The following SNX30 variants were observed in gnomAD, a reference collection of about 807,000 sequenced individuals.
SNX30 encodes sorting nexin-30.
A neutral mutation model predicts 46.4 loss-of-function variants in SNX30; 24 were observed. That is an observed-to-expected ratio of 0.52 (90% CI 0.37 to 0.73). The LOEUF is 0.73. Ranked by LOEUF, SNX30 falls within the 30% of genes least tolerant of loss-of-function variation. SNX30 has a pLI of 0.00. For missense variants in SNX30, 533 were observed against 555.7 expected (o/e 0.96, Z 0.41); for synonymous variants, 189 against 211.5 (o/e 0.89, Z 0.92).
chr9:112,830,631 G>A (rs1398469916), intron 3 of SNX30, 94 bp from the exon 4 acceptor site: 9 of 1,143,254 alleles, frequency 7.9e-6, no homozygotes, highest in Non-Finnish European at 9.9e-6. Flanking sequence ...TACTTTTCTT[G>A]GATAGAGGGG....
At chr9:112,805,809 A>G (rs546799815) in intron 2 of SNX30, among the ~76,000 whole-genome samples, 16 of 152,276 alleles carry the variant, frequency 1.1e-4, no homozygotes, top group African/African-American at 2.4e-4. Context: ...TTTAGTTACA[A>G]TTTTTCAGAT....
rs916574981 is a variant in SNX30, at chr9:112,871,491, G to T, written c.*2648G>T. On this transcript the variant is annotated 3_prime_UTR_variant, in exon 9 of 9. Coordinates refer to ENST00000374232, the MANE Select transcript of SNX30 (RefSeq NM_001012994.2). ...CTGTGCCAAAGACTGCCTTGTAGAG[G>T]TCTCATCACCTCACACTTCTTGACT... 2.0e-5 allele frequency: 3 copies of T among 152,074 alleles called. No individual in the cohort carries two copies. Among genetic ancestry groups the T allele is most frequent in the African/African-American group, 2.4e-5 (1 of 41,400 alleles). The allele number at this position is 152,074 out of a possible 1,614,324, so 9.4% of individuals were successfully genotyped here. A position where few individuals can be genotyped will look rare whatever the true frequency, so the allele number is the denominator to read the frequency against.
chr9:112,862,529 G>C (rs1841254918), intron 7 of SNX30, among the ~76,000 whole-genome samples: 2 of 152,096 alleles, frequency 1.3e-5, no homozygotes, highest in African/African-American at 4.8e-5. Flanking sequence ...TTTTATTTCA[G>C]TTTTTCCTGA....
At chr9:112,765,460 T>C (rs1839520491) in intron 1 of SNX30, among the ~76,000 whole-genome samples, 1 of 152,170 alleles carries the variant, frequency 6.6e-6, no homozygotes, top group South Asian at 2.1e-4. Context: ...ATTTTCCCTA[T>C]TCCCAGCCCC....
chr9:112,875,931 T>A (rs1002887143), downstream of SNX30: 1 of 152,130 alleles, frequency 6.6e-6, no homozygotes, highest in African/African-American at 2.4e-5. Context: ...GTGCTACAGG[T>A]ACGTGCCACC....
At chr9:112,866,741 A>ATCCTCAGAACTCCTCCTGCC in intron 8 of SNX30, among the ~76,000 whole-genome samples, 1 of 90,082 alleles carries the variant, frequency 1.1e-5, no homozygotes, top group African/African-American at 4.4e-5. Context: ...CTCCTCCCAC[A>ATCCTCAGAACTCCTCCTGCC]TCCTCAGAAC....
Position 112,836,415 on chromosome 9 carries a change from C to T in SNX30, c.814+6C>T, listed in dbSNP as rs763790191. On this transcript the variant is annotated splice_donor_region_variant and intron_variant, in intron 5 of 8. Transcript: ENST00000374232. ...GATCATCAAAGAAGAAATAGGTGAGCTGTCTGTTGAGGTCTCGATTATGCC... is the reference window on the plus strand; with the variant it reads ...GATCATCAAAGAAGAAATAGGTGAGTTGTCTGTTGAGGTCTCGATTATGCC... 6.3e-7 allele frequency: 1 copy of T among 1,587,192 alleles called. No individual in the cohort carries two copies. The highest frequency in any genetic ancestry group is 8.6e-7 in the Non-Finnish European group (1 of 1,157,472).
intron 2 of SNX30, among the ~76,000 whole-genome samples, 163 bp from the exon 3 acceptor site, chr9:112,817,542 C>T (rs1342460752): frequency 6.6e-6 from 1 of 150,458 alleles, no homozygotes; most frequent in East Asian, 2.0e-4. Context: ...GTGTCCCAGA[C>T]TGGTCTATTC....
intron 1 of SNX30, among the ~76,000 whole-genome samples, chr9:112,790,968 T>C (rs1480574078): frequency 6.6e-6 from 1 of 152,228 alleles, no homozygotes; most frequent in African/African-American, 2.4e-5. Context: ...AAATACTTTA[T>C]ATCTGAATGT....
rs961057603 is a variant in SNX30 at position 112,873,277 on chromosome 9, A to C, written c.*4434A>C. ...CAAACCAATAAGATATTTGTCTCCT[A>C]TATAAACATTCTGTGTATTTAGCAC... On this transcript the variant is annotated 3_prime_UTR_variant, in exon 9 of 9. Coordinates refer to ENST00000374232, the MANE Select transcript of SNX30 (RefSeq NM_001012994.2). The C allele has an allele frequency of 2.0e-5, 3 of 152,216 alleles. 1 individual carries two copies. The highest frequency in any genetic ancestry group is 1.3e-4 in the Admixed American group (2 of 15,282). The allele number at this position is 152,216 out of a possible 1,614,324, so 9.4% of individuals were successfully genotyped here.
At chr9:112,865,661 A>ATATATATGTGTGTG in intron 8 of SNX30, among the ~76,000 whole-genome samples, 19 of 105,692 alleles carry the variant, frequency 1.8e-4, no homozygotes, top group African/African-American at 6.1e-4. Context: ...ATATATATAT[A>ATATATATGTGTGTG]TGTATGTATG....
chr9:112,780,314 A>G (rs1455086909), intron 1 of SNX30, among the ~76,000 whole-genome samples: 1 of 152,244 alleles, frequency 6.6e-6, no homozygotes, highest in African/African-American at 2.4e-5. Flanking sequence ...TGTTTCCTTC[A>G]ACATTGTGAA....
chr9:112,767,658 C>T (rs967607568), intron 1 of SNX30, among the ~76,000 whole-genome samples: 28 of 152,038 alleles, frequency 1.8e-4, no homozygotes, highest in African/African-American at 5.8e-4. Flanking sequence ...GATGCGATCT[C>T]GGCTCACTGC....
intron 6 of SNX30, among the ~76,000 whole-genome samples, chr9:112,841,653 C>T (rs1840861476): frequency 2.0e-5 from 3 of 152,162 alleles, no homozygotes; most frequent in Admixed American, 1.3e-4. Flanking sequence ...GTGCCCTGGG[C>T]ACGATAGGAG....
At chr9:112,797,714 T>TC (rs1344536778) in intron 1 of SNX30, among the ~76,000 whole-genome samples, 2 of 143,646 alleles carry the variant, frequency 1.4e-5, no homozygotes, top group African/African-American at 5.1e-5. Flanking sequence ...TCTTTTTCTT[T>TC]TTTTTTTTTT....
intron 2 of SNX30, among the ~76,000 whole-genome samples, chr9:112,809,146 G>T (rs189917440): frequency 1.3e-5 from 2 of 151,212 alleles, no homozygotes; most frequent in Admixed American, 1.3e-4. Context: ...GAGTGCAGTG[G>T]TATGACCTCA....
chr9:112,836,273 C>T lies in SNX30; in HGVS notation c.678C>T (p.Val226=). 6.2e-7 allele frequency: 1 copy of T among 1,612,866 alleles called. No individual in the cohort carries two copies. The highest frequency in any genetic ancestry group is 8.5e-7 in the Non-Finnish European group (1 of 1,178,876). Residue 226 remains valine (V), a synonymous_variant, in exon 5 of 9, where the codon GTC becomes GTT. Coordinates refer to ENST00000374232, the MANE Select transcript of SNX30 (RefSeq NM_001012994.2). ...TGCTGACCAGAATGGGCGAGTCAGT[C>T]AAGCACGTCACTGGCGGCTACAAGC... ...IALLTRMGES[V]KHVTGGYKLR...
At chr9:112,853,872 C>T (rs1539340) in intron 7 of SNX30, among the ~76,000 whole-genome samples, 121,701 of 152,224 alleles carry the variant, frequency 0.8, 48,834 homozygotes, top group South Asian at 0.87. Flanking sequence ...TCACGTCATA[C>T]GCCTGAAATG....
chr9:112,868,820 C>T lies in SNX30; in HGVS notation c.1291C>T (p.Gln431Ter). ...GTGGGAGTCGATTATTCCACTACTG[C>T]AGGAGAAACAAGAGGCCAAGTAAAG... is the stretch of plus-strand genomic sequence containing the variant. Reference protein sequence around the residue: ...MAWESIIPLLQEKQEAK With the variant: ...MAWESIIPLL The change falls in exon 9 of 9, where the codon CAG becomes TAG. Residue 431 changes from glutamine to a stop codon, truncating the protein, a stop_gained. Transcript: ENST00000374232. LOFTEE classifies it high-confidence loss of function. 6.2e-7 allele frequency: 1 copy of T among 1,614,090 alleles called. No homozygotes were observed. The highest frequency in any genetic ancestry group is 2.2e-5 in the East Asian group (1 of 44,870).
Sources: gnomAD v4.1 joint callset for allele counts (sites outside exome capture counted in the v4.1 genomes callset) on GRCh38, gnomAD v4.1.1 for gene constraint, MANE v1.5 for transcripts, NCBI Gene and HGNC (gene_info 2026-07-23, HGNC 2026-07-21) for gene names.